The following PRELID2 variants were observed in gnomAD, a reference collection of about 807,000 sequenced individuals.
The protein encoded by PRELID2 is PRELI domain-containing protein 2.
PRELID2 carries 25 observed loss-of-function variants against 28.4 expected under a neutral mutation model. The ratio of observed to expected loss-of-function variants is 0.88; its 90% CI spans 0.64 to 1.23. The LOEUF (loss-of-function observed/expected upper bound fraction) is 1.23. PRELID2 is among the 50% of genes most tolerant of loss of function. The probability of loss-of-function intolerance (pLI) is 0.00; values close to 1 mark genes in which losing one functional copy is unlikely to be tolerated. For synonymous variants in PRELID2, 76 were observed against 71.6 expected (o/e 1.06, Z -0.31); for missense variants, 201 against 214.4 (o/e 0.94, Z 0.39).
the PRELID2 span, among the ~76,000 whole-genome samples, chr5:145,236,546 C>G: frequency 2.3e-4 from 35 of 152,260 alleles, no homozygotes; most frequent in East Asian, 5.8e-4. Flanking sequence ...CGATCTAAGT[C>G]TAGCTCCTAA....
At chr5:145,496,612 AC>A (rs1752312070) in intron 1 of PRELID2, among the ~76,000 whole-genome samples, 1 of 152,162 alleles carries the variant, frequency 6.6e-6, no homozygotes, top group South Asian at 2.1e-4. Context: ...TCCACTTGTG[AC>A]CACCAATCAT....
At chr5:145,718,542 T>C in intron 1 of PRELID2, among the ~76,000 whole-genome samples, 1 of 151,900 alleles carries the variant, frequency 6.6e-6, no homozygotes, top group East Asian at 1.9e-4. Flanking sequence ...ATTTGAGAAA[T>C]TTATCATATT....
the PRELID2 span, among the ~76,000 whole-genome samples, chr5:145,303,469 T>TAG: frequency 2.0e-5 from 3 of 152,170 alleles, no homozygotes; most frequent in African/African-American, 7.2e-5. Flanking sequence ...TAAGCTCTTA[T>TAG]AGAGAACTCA....
intron 1 of PRELID2, among the ~76,000 whole-genome samples, chr5:145,638,371 A>G (rs1002982659): frequency 4.6e-5 from 7 of 152,076 alleles, no homozygotes; most frequent in Non-Finnish European, 7.4e-5. Context: ...TATCCTGACA[A>G]CATGGCCTCC....
chr5:145,458,738 T>C, the PRELID2 span, among the ~76,000 whole-genome samples: 1,823 of 152,282 alleles, frequency 0.012, 35 homozygotes, highest in African/African-American at 0.042. Flanking sequence ...CCAATTGTAA[T>C]AGGGTTATCA....
At chr5:145,426,172 T>TTGCC in the PRELID2 span, among the ~76,000 whole-genome samples, 1 of 152,320 alleles carries the variant, frequency 6.6e-6, no homozygotes, top group Admixed American at 6.5e-5. Flanking sequence ...ATCCTGTGGT[T>TTGCC]TGCCTGCAGG....
chr5:145,442,475 G>A, the PRELID2 span, among the ~76,000 whole-genome samples: 2 of 151,920 alleles, frequency 1.3e-5, no homozygotes, highest in South Asian at 2.1e-4. Flanking sequence ...CAGGTGGATC[G>A]GCAGGTTGAG....
chr5:145,467,495 A>G (rs1386031528), downstream of PRELID2, among the ~76,000 whole-genome samples: 4 of 152,210 alleles, frequency 2.6e-5, no homozygotes, highest in Non-Finnish European at 5.9e-5. Flanking sequence ...CATATTTTTA[A>G]AATAAAATGT....
At chr5:145,530,787 G>A (rs934065071) in intron 1 of PRELID2, among the ~76,000 whole-genome samples, 21 of 152,008 alleles carry the variant, frequency 1.4e-4, no homozygotes, top group African/African-American at 4.3e-4. Context: ...GCTAGTCGTG[G>A]GTGGGGGCAG....
chr5:145,421,401 C>A, the PRELID2 span, among the ~76,000 whole-genome samples: 11 of 150,882 alleles, frequency 7.3e-5, no homozygotes, highest in Non-Finnish European at 1.6e-4. Flanking sequence ...ATTATTGCCA[C>A]AATTTCAGAG....
the PRELID2 span, among the ~76,000 whole-genome samples, chr5:145,341,413 T>C: frequency 2.0e-5 from 3 of 152,052 alleles, no homozygotes; most frequent in Non-Finnish European, 2.9e-5. Context: ...TAGATTTTTT[T>C]TCTGTAATAT....
rs548941726 is a variant in PRELID2, at chr5:145,640,512, C to T, written n.70+124419G>A. Among the ~76,000 whole-genome samples the T allele has an allele frequency of 3.7e-4, 53 of 141,608 alleles. No homozygotes were observed. The South Asian group carries it at 0.011, about 28-fold the overall frequency. 92.9% of individuals were successfully genotyped at this position (141,608 alleles called of 152,430 possible). On this transcript the variant is annotated intron_variant and non_coding_transcript_variant, in intron 1 of 2. Transcript: ENST00000510259. ...AAAAAAAATTGGCCGGCCATGGTGGCGGGCGCCTGTGCTTCCGGCTGCTCC... is the reference window on the plus strand; with the variant it reads ...AAAAAAAATTGGCCGGCCATGGTGGTGGGCGCCTGTGCTTCCGGCTGCTCC...
rs1174059246 is a variant in PRELID2, at chr5:145,759,002, T to TA, written c.*1533_*1534insT. Reference sequence around the variant, plus strand: ...CTCCAGTAACGGCCTGAATTTTTTTTTTTTTTTTTTTTTTTTGTGATGGAG... The same window carrying TA: ...CTCCAGTAACGGCCTGAATTTTTTTTATTTTTTTTTTTTTTTTGTGATGGAG... On this transcript the variant is annotated 3_prime_UTR_variant, in exon 7 of 7. Transcript: ENST00000683046. 7.1e-6 allele frequency: 1 copy of TA among 141,432 alleles called. No individual in the cohort carries two copies. Among genetic ancestry groups the TA allele is most frequent in the African/African-American group, 2.6e-5 (1 of 37,904 alleles). 8.8% of individuals were successfully genotyped at this position (141,432 alleles called of 1,614,324 possible). A position where few individuals can be genotyped will look rare whatever the true frequency, so the allele number is the denominator to read the frequency against.
intron 1 of PRELID2, among the ~76,000 whole-genome samples, chr5:145,564,705 C>T (rs892204748): frequency 3.9e-5 from 6 of 152,182 alleles, no homozygotes; most frequent in Non-Finnish European, 5.9e-5. Flanking sequence ...CTGTGAAACC[C>T]CAGTGCCCAG....
chr5:145,744,293 C>G lies in PRELID2; in HGVS notation n.70+20638G>C, dbSNP rs557165651. Among the ~76,000 whole-genome samples the G allele has an allele frequency of 1.1e-4, 16 of 152,352 alleles. No individual in the cohort carries two copies. In the South Asian group the frequency reaches 3.3e-3, roughly 32 times the overall value. ...TTCCTCAGACTTAGTTCTGAGGAAT[C>G]TGGGCAGACCAGACGAGGGGTTTCC... On this transcript the variant is annotated intron_variant and non_coding_transcript_variant, in intron 1 of 2. Coordinates refer to the PRELID2 transcript ENST00000510259.
chr5:145,735,182 T>C (rs1297264981), intron 1 of PRELID2, among the ~76,000 whole-genome samples: 1 of 150,978 alleles, frequency 6.6e-6, no homozygotes, highest in African/African-American at 2.4e-5. Flanking sequence ...GAGGCAGAAG[T>C]TGCAGTGAGT....
Position 145,654,480 on chromosome 5 carries a change from A to T in PRELID2, n.70+110451T>A, listed in dbSNP as rs190664357. 5.3e-4 allele frequency among the ~76,000 whole-genome samples: 80 copies of T among 152,356 alleles called. No individual in the cohort carries two copies. In the East Asian group the frequency reaches 0.013, roughly 25 times the overall value. ...TTTTAGACCAATATCCCTGATGAAC[A>T]TTGATGCAAAAATCCTCAATAAAAT... On this transcript the variant is annotated intron_variant and non_coding_transcript_variant, in intron 1 of 2. Transcript: ENST00000510259.
intron 1 of PRELID2, chr5:145,703,895 T>TTA (rs1755475348): frequency 6.6e-6 from 1 of 152,212 alleles, no homozygotes; most frequent in African/African-American, 2.4e-5. Flanking sequence ...ATTTTACTCA[T>TTA]GCAACTTAGA....
At chr5:145,684,997 C>T (rs941722080) in intron 1 of PRELID2, among the ~76,000 whole-genome samples, 3 of 152,120 alleles carry the variant, frequency 2.0e-5, no homozygotes, top group Admixed American at 6.6e-5. Context: ...GATTTATCTT[C>T]CTCCCTCACT....
Sources: gnomAD v4.1 joint callset for allele counts (sites outside exome capture counted in the v4.1 genomes callset) on GRCh38, gnomAD v4.1.1 for gene constraint, MANE v1.5 for transcripts, NCBI Gene and HGNC (gene_info 2026-07-23, HGNC 2026-07-21) for gene names.